ITSN2: variants seen among roughly 807,000 people sequenced by gnomAD.
ITSN2 encodes intersectin 2, also known as intersectin-2.
In ITSN2, 156 loss-of-function variants were observed where a neutral mutation model predicts 243.7. The observed-to-expected ratio is 0.64, with a 90% CI of 0.56 to 0.73. The LOEUF is 0.73. Ranked by LOEUF, ITSN2 falls within the 30% of genes least tolerant of loss-of-function variation. The pLI, the probability that ITSN2 is intolerant of heterozygous loss-of-function variation, is 0.00. For synonymous variants in ITSN2, 703 were observed against 699.9 expected (o/e 1.00, Z -0.07); for missense variants, 1,801 against 1,996.1 (o/e 0.90, Z 1.86).
intron 29 of ITSN2, among the ~76,000 whole-genome samples, chr2:24,222,668 C>CTTTTTTTTTTTTT (rs56149622): frequency 1.3e-3 from 97 of 77,232 alleles, no homozygotes; most frequent in Non-Finnish European, 1.6e-3. Context: ...TTTTTCTTTT[C>CTTTTTTTTTTTTT]TTTTTTTTTT....
intron 25 of ITSN2, among the ~76,000 whole-genome samples, chr2:24,251,309 C>CAA (rs1553355845): frequency 9.1e-5 from 2 of 22,016 alleles, no homozygotes; most frequent in African/African-American, 5.7e-4. Flanking sequence ...AACTCCATCT[C>CAA]AAAAAAAAAA....
At chr2:24,218,214 C>A (rs1051420180) in intron 30 of ITSN2, among the ~76,000 whole-genome samples, 5 of 152,156 alleles carry the variant, frequency 3.3e-5, no homozygotes, top group Non-Finnish European at 5.9e-5. Context: ...TAGTGCAGCT[C>A]TTATCAAGGC....
chr2:24,327,971 A>T (rs1685337826), intron 2 of ITSN2, 81 bp downstream of exon 2: 1 of 1,306,902 alleles, frequency 7.7e-7, no homozygotes, highest in Admixed American at 2.1e-5. Flanking sequence ...AAGGAAAATT[A>T]TCTACATGAA....
Position 24,246,298 on chromosome 2 carries a change from A to G in ITSN2, c.3408T>C (p.Tyr1136=). ...CATCTTCATTATTTGCTGCATAGTCATACATAGCAATCACCTGACATACTA... is the reference window on the plus strand; with the variant it reads ...CATCTTCATTATTTGCTGCATAGTCGTACATAGCAATCACCTGACATACTA... ...FHPVCQVIAM[Y]DYAANNEDEL... is the part of the protein sequence containing the mutation. The change falls in exon 29 of 40, where the codon TAT becomes TAC. Residue 1136 remains tyrosine (Y), a synonymous_variant. Coordinates refer to ENST00000355123, the MANE Select transcript of ITSN2 (RefSeq NM_006277.3). 1 of 1,607,314 alleles carries G rather than the reference A, an allele frequency of 6.2e-7. No individual in the cohort carries two copies.
chr2:24,248,264 C>T (rs933772402), intron 27 of ITSN2, among the ~76,000 whole-genome samples: 3 of 152,102 alleles, frequency 2.0e-5, no homozygotes, highest in Non-Finnish European at 4.4e-5. Flanking sequence ...ATTTTCTCAG[C>T]ACACCATCTA....
Position 24,308,685 on chromosome 2 carries a change from T to A in ITSN2, c.725A>T (p.Gln242Leu), listed in dbSNP as rs1056160777. ...KTGTSEWAVP[Q>L]PTRLKYRQKF... Reference sequence around the variant, plus strand: ...TTGCCGATATTTTAATCTTGTAGGCTGAGGAACTGCCCACTCTGAGGTCCC... The same window carrying A: ...TTGCCGATATTTTAATCTTGTAGGCAGAGGAACTGCCCACTCTGAGGTCCC... The change falls in exon 8 of 40, where the codon CAG becomes CTG. Residue 242 changes from glutamine to leucine, a missense_variant. Physicochemically the swap from Gln to Leu is moderately radical, Grantham distance 113 (BLOSUM62 -2). Coordinates refer to ENST00000355123, the MANE Select transcript of ITSN2 (RefSeq NM_006277.3). 1 of 1,534,802 alleles carries A rather than the reference T, an allele frequency of 6.5e-7. No homozygotes were observed. Among genetic ancestry groups the A allele is most frequent in the Non-Finnish European group, 8.8e-7 (1 of 1,133,494 alleles).
At chr2:24,268,948 C>T (rs948748622) in intron 20 of ITSN2, among the ~76,000 whole-genome samples, 1 of 152,160 alleles carries the variant, frequency 6.6e-6, no homozygotes, top group Non-Finnish European at 1.5e-5. Flanking sequence ...ATACTGCTGT[C>T]CTCAAGTTAA....
At chr2:24,244,108 C>A (rs1673067976) in intron 29 of ITSN2, among the ~76,000 whole-genome samples, 1 of 152,180 alleles carries the variant, frequency 6.6e-6, no homozygotes, top group African/African-American at 2.4e-5. Flanking sequence ...ATTTGCATGA[C>A]AAATGTGTCC....
chr2:24,207,061 G>A (rs11125494), intron 37 of ITSN2, among the ~76,000 whole-genome samples: 128,973 of 151,830 alleles, frequency 0.85, 55,564 homozygotes, highest in Non-Finnish European at 0.93. Flanking sequence ...GTGGCAGGTA[G>A]TAGTGGGGAT....
At chr2:24,313,410 A>G in intron 4 of ITSN2, 50 bp downstream of exon 4, 1 of 1,515,118 alleles carries the variant, frequency 6.6e-7, no homozygotes. Context: ...CTATATTACA[A>G]AAAAACAAAA....
At chr2:24,266,637 T>C (rs1276651544) in intron 20 of ITSN2, among the ~76,000 whole-genome samples, 4 of 152,024 alleles carry the variant, frequency 2.6e-5, no homozygotes, top group African/African-American at 9.7e-5. Flanking sequence ...TAGTTTAAAA[T>C]AGTTAAGTCT....
At position 24,251,325 on chromosome 2, in the gene ITSN2, T is replaced by TAAAAAAAAA. The variant is rs1165033997; in HGVS notation, c.3120+1019_3120+1020insTTTTTTTTT. On this transcript the variant is annotated intron_variant, in intron 25 of 39. Transcript: ENST00000355123. The stretch of plus-strand genomic sequence containing the variant: ...ACTCCATCTCAAAAAAAAAAAAAAA[T>TAAAAAAAAA]AAAATATATATATATATATATATGT... Among the ~76,000 whole-genome samples, 5 of 3,394 alleles carry TAAAAAAAAA rather than the reference T, an allele frequency of 1.5e-3. 2 individuals are homozygous for TAAAAAAAAA. Among genetic ancestry groups the TAAAAAAAAA allele is most frequent in the African/African-American group, 2.6e-3 (3 of 1,166 alleles). 2.2% of individuals were successfully genotyped at this position (3,394 alleles called of 152,430 possible).
chr2:24,313,717 C>G (rs1312762452), intron 3 of ITSN2, among the ~76,000 whole-genome samples, 194 bp from the exon 4 acceptor site: 1 of 152,192 alleles, frequency 6.6e-6, no homozygotes, highest in Admixed American at 6.5e-5. Context: ...ACAAAAGTCA[C>G]ATCTGCACTT....
Position 24,299,897 on chromosome 2 carries a change from C to T in ITSN2, c.1344+12G>A. On this transcript the variant is annotated intron_variant, in intron 12 of 39. Transcript: ENST00000355123. ...AATGATTTTCTTAAGAAGTAAAAAA[C>T]TTAAAAATAACCTCTCGTCTTTCTA... 6.3e-7 allele frequency: 1 copy of T among 1,575,314 alleles called. No individual in the cohort carries two copies. Among genetic ancestry groups the T allele is most frequent in the African/African-American group, 1.4e-5 (1 of 72,898 alleles).
In ITSN2 at chr2:24,282,821, A is replaced by G. The variant is rs144153106; in HGVS notation, c.1944+1942T>C. 3.3e-5 allele frequency among the ~76,000 whole-genome samples: 5 copies of G among 152,294 alleles called. No homozygotes were observed. In the East Asian group the frequency reaches 9.6e-4, roughly 29 times the overall value. ...TCTACCAACAAATTTAACTGCATTC[A>G]TAACCATCTTCTCCCCGTATGTTAC... On this transcript the variant is annotated intron_variant, in intron 17 of 39. Transcript: ENST00000355123.
chr2:24,210,760 C>T lies in ITSN2; in HGVS notation c.4257+20G>A. The stretch of plus-strand genomic sequence containing the variant: ...CCAGAGCCTCCCTGGAGGCGCACGG[C>T]TTAACCACACAGGCCTGACCTCCGC... On this transcript the variant is annotated intron_variant, in intron 34 of 39. Transcript: ENST00000355123. The T allele has an allele frequency of 6.2e-7, 1 of 1,610,258 alleles. No homozygotes were observed. The highest frequency in any genetic ancestry group is 1.3e-5 in the African/African-American group (1 of 74,998).
chr2:24,284,764 TTAAG>T lies in ITSN2; in HGVS notation c.1939_1942del (p.Leu647ArgfsTer3). The T allele has an allele frequency of 3.2e-6, 5 of 1,571,530 alleles. No homozygotes were observed. Among genetic ancestry groups the T allele is most frequent in the Non-Finnish European group, 4.4e-6 (5 of 1,143,080 alleles). The stretch of plus-strand genomic sequence containing the variant: ...AGAAGCTAGATATTAGAAAATAACC[TTAAG>T]TAAGAGGAAGAGGTTGTTGAGACAG... On this transcript the variant is annotated frameshift_variant and splice_region_variant, in exon 17 of 40. Coordinates refer to ENST00000355123, the MANE Select transcript of ITSN2 (RefSeq NM_006277.3). LOFTEE classifies it high-confidence loss of function.
chr2:24,221,627 A>G (rs1222521697), intron 29 of ITSN2: 1 of 152,306 alleles, frequency 6.6e-6, no homozygotes, highest in Middle Eastern at 3.2e-3. Flanking sequence ...CAGTCTCTAG[A>G]TTTCTTAAAG....
chr2:24,359,370 G>A (rs1432219933), intron 1 of ITSN2, among the ~76,000 whole-genome samples: 2 of 152,212 alleles, frequency 1.3e-5, no homozygotes, highest in Non-Finnish European at 2.9e-5. Flanking sequence ...AAACACTAGT[G>A]AGACAAACTA....
Sources: gnomAD v4.1 joint callset for allele counts (sites outside exome capture counted in the v4.1 genomes callset) on GRCh38, gnomAD v4.1.1 for gene constraint, MANE v1.5 for transcripts, NCBI Gene and HGNC (gene_info 2026-07-23, HGNC 2026-07-21) for gene names.